The following FARP1 variants were observed in gnomAD, a reference collection of about 807,000 sequenced individuals.
FARP1 encodes the protein FERM, ARH/RhoGEF and pleckstrin domain protein 1.
A neutral mutation model predicts 128.8 loss-of-function variants in FARP1; 52 were observed. That is an observed-to-expected ratio of 0.40 (90% CI 0.32 to 0.51). FARP1 has a LOEUF of 0.51. Among genes scored for constraint, FARP1 ranks in the 20% least tolerant of loss-of-function variants. The probability of loss-of-function intolerance (pLI) is 0.45; values close to 1 mark genes in which losing one functional copy is unlikely to be tolerated. For missense variants in FARP1, 1,333 were observed against 1,367.9 expected (o/e 0.97, Z 0.40); for synonymous variants, 580 against 551.8 (o/e 1.05, Z -0.72).
chr13:98,217,255 GCTT>G (rs1881119741), intron 2 of FARP1, among the ~76,000 whole-genome samples: 2 of 151,434 alleles, frequency 1.3e-5, no homozygotes, highest in African/African-American at 4.9e-5. Context: ...TTTATTTTTT[GCTT>G]CTTTTGAGCA....
rs1265814811 is a variant in FARP1, at chr13:98,150,975, G to T, written c.-24+7483G>T. Among the ~76,000 whole-genome samples the T allele has an allele frequency of 2.0e-5, 3 of 151,730 alleles. No homozygotes were observed. The East Asian group carries it at 5.8e-4, about 29-fold the overall frequency. ...AACATTCTAAAAAGAGGTTAGTGTG[G>T]CAGATACACAGCTCTGCAGTCTTGC... On this transcript the variant is annotated intron_variant, in intron 1 of 26. Transcript: ENST00000319562.
intron 13 of FARP1, chr13:98,396,343 C>G: frequency 5.0e-6 from 2 of 399,176 alleles, no homozygotes; most frequent in African/African-American, 4.1e-5. Context: ...CTCTGAGATG[C>G]TGATCCCCGG....
At chr13:98,425,358 G>A (rs1170484078) in intron 17 of FARP1, 7 of 143,480 alleles carry the variant, frequency 4.9e-5, no homozygotes, top group African/African-American at 1.8e-4. Context: ...AGTGTACGAG[G>A]CAAATATAGT....
chr13:98,182,314 GTTTTA>G (rs1878593724), intron 1 of FARP1, among the ~76,000 whole-genome samples: 1 of 151,904 alleles, frequency 6.6e-6, no homozygotes, highest in Non-Finnish European at 1.5e-5. Context: ...TTGGTTCATT[GTTTTA>G]TTTATTTAAT....
chr13:98,337,921 G>A (rs762258107), intron 2 of FARP1, among the ~76,000 whole-genome samples: 58 of 152,152 alleles, frequency 3.8e-4, no homozygotes, highest in Non-Finnish European at 8.8e-5. Context: ...CATACACATG[G>A]ATAGTCACCC....
intron 2 of FARP1, among the ~76,000 whole-genome samples, chr13:98,256,502 T>C (rs1310055478): frequency 6.6e-6 from 1 of 152,132 alleles, no homozygotes; most frequent in Non-Finnish European, 1.5e-5. Context: ...CTTAATGTTA[T>C]TGGTCTGTAC....
At chr13:98,444,982 C>T (rs1214927280) in intron 24 of FARP1, among the ~76,000 whole-genome samples, 1 of 152,212 alleles carries the variant, frequency 6.6e-6, no homozygotes, top group African/African-American at 2.4e-5. Flanking sequence ...CTGGAGCTGC[C>T]TGCCTGGCCT....
At chr13:98,321,319 A>G (rs1886982890) in intron 2 of FARP1, among the ~76,000 whole-genome samples, 2 of 152,208 alleles carry the variant, frequency 1.3e-5, no homozygotes, top group Non-Finnish European at 1.5e-5. Flanking sequence ...CAATGAGTTA[A>G]CTTGTTGAAA....
At chr13:98,202,933 T>C (rs61968651) in intron 1 of FARP1, among the ~76,000 whole-genome samples, 39,778 of 152,054 alleles carry the variant, frequency 0.26, 5,461 homozygotes, top group Middle Eastern at 0.39. Flanking sequence ...TTGCCTAGAC[T>C]GATCTCAAAC....
At chr13:98,334,602 G>A (rs565486743) in intron 2 of FARP1, among the ~76,000 whole-genome samples, 1 of 152,268 alleles carries the variant, frequency 6.6e-6, no homozygotes, top group South Asian at 2.1e-4. Context: ...CATGACTCAT[G>A]TGCTGTGGAC....
At chr13:98,315,382 G>A (rs1040138346) in intron 2 of FARP1, among the ~76,000 whole-genome samples, 1 of 152,132 alleles carries the variant, frequency 6.6e-6, no homozygotes, top group Admixed American at 6.6e-5. Context: ...TGGGATTACA[G>A]GTATGAGCAC....
intron 2 of FARP1, among the ~76,000 whole-genome samples, chr13:98,290,894 A>G (rs1461100911): frequency 2.0e-5 from 3 of 152,230 alleles, no homozygotes; most frequent in African/African-American, 7.2e-5. Flanking sequence ...GGGGGCAAAC[A>G]CATGAAAAGA....
intron 6 of FARP1, among the ~76,000 whole-genome samples, chr13:98,383,079 C>T (rs187158424): frequency 5.0e-4 from 76 of 152,272 alleles, no homozygotes; most frequent in African/African-American, 1.8e-3. Context: ...GGAACCTCAC[C>T]CCGTATTTCC....
At chr13:98,403,348 A>C (rs1289246582) in intron 13 of FARP1, 1 of 152,290 alleles carries the variant, frequency 6.6e-6, no homozygotes. Context: ...CTGTAGCTAG[A>C]GGAGAGGTCT....
intron 2 of FARP1, among the ~76,000 whole-genome samples, chr13:98,243,661 C>T (rs559042875): frequency 3.6e-4 from 52 of 143,928 alleles, no homozygotes; most frequent in Non-Finnish European, 1.8e-4. Flanking sequence ...CGTGCCACTG[C>T]GCTCCAGCCT....
intron 2 of FARP1, among the ~76,000 whole-genome samples, chr13:98,243,962 T>C (rs938530705): frequency 1.3e-4 from 20 of 152,134 alleles, no homozygotes; most frequent in Admixed American, 3.9e-4. Flanking sequence ...ACAAAATAAT[T>C]ACAAAGGAAG....
intron 1 of FARP1, among the ~76,000 whole-genome samples, chr13:98,200,973 C>T (rs1162540010): frequency 6.6e-6 from 1 of 151,976 alleles, no homozygotes; most frequent in African/African-American, 2.4e-5. Context: ...TACATGTATA[C>T]AATGTGTAAT....
intron 15 of FARP1, among the ~76,000 whole-genome samples, chr13:98,411,129 C>G (rs1399155446): frequency 1.3e-5 from 2 of 152,158 alleles, no homozygotes; most frequent in African/African-American, 2.4e-5. Context: ...TGCCCATTGC[C>G]AAGTATAACT....
Position 98,439,964 on chromosome 13 carries a change from G to A in FARP1, c.2437G>A (p.Glu813Lys). The A allele has an allele frequency of 6.4e-7, 1 of 1,570,824 alleles. No individual in the cohort carries two copies. Residue 813 changes from glutamate (E) to lysine (K), a missense_variant, in exon 22 of 27, where the codon GAG becomes AAG. By Grantham distance (56) the Glu-to-Lys change is moderately conservative. Around this residue, in one of 2 missense-constraint regions of FARP1, gnomAD observed 1,009 missense variants for 969.8 expected, o/e 1.04. Transcript: ENST00000319562. ...CGTTATCTTCTCTTGCCCACAGATT[G>A]AGGAGAGCGAAGACGAGTGGGGGGT... ...GQLPLYGMTI[E>K]ESEDEWGVPH... is the part of the protein sequence containing the mutation.
Sources: gnomAD v4.1 joint callset for allele counts (sites outside exome capture counted in the v4.1 genomes callset) on GRCh38, gnomAD v4.1.1 for gene constraint, gnomAD v4.1.1 regional missense constraint, MANE v1.5 for transcripts, NCBI Gene and HGNC (gene_info 2026-07-23, HGNC 2026-07-21) for gene names.